Variants in ZNF157 observed in about 807,000 individuals in gnomAD.
ZNF157 encodes zinc finger protein 22.
In ZNF157, 8 loss-of-function variants were observed where a neutral mutation model predicts 9.4. The observed-to-expected ratio is 0.85, with a 90% CI of 0.50 to 1.53. The LOEUF (loss-of-function observed/expected upper bound fraction) is 1.53. Ranked by LOEUF, ZNF157 falls within the 40% of genes most tolerant of loss-of-function variation. ZNF157 has a pLI of 0.00. For missense variants in ZNF157, 316 were observed against 385.2 expected, an observed-to-expected ratio of 0.82 and a Z score of 1.50; for synonymous variants, 120 against 130.8, an observed-to-expected ratio of 0.92 and a Z score of 0.56.
chrX:47,405,847 T>C (rs1370183786), intron 1 of ZNF157, among the ~76,000 whole-genome samples: 1 of 110,830 alleles, frequency 9.0e-6, no homozygotes, highest in East Asian at 2.8e-4. Context: ...TTTTTCATTT[T>C]TATTTTTCAG....
At position 47,413,155 on chromosome X, in the gene ZNF157, A is replaced by G. The variant is rs1462279076; in HGVS notation, c.1082A>G (p.Asn361Ser). ...THTGEKPYQC[N>S]ECGKSFRVHS... Reference sequence around the variant, plus strand: ...ACAGGTGAAAAGCCCTATCAGTGTAATGAATGTGGGAAATCTTTCAGGGTG... The same window carrying G: ...ACAGGTGAAAAGCCCTATCAGTGTAGTGAATGTGGGAAATCTTTCAGGGTG... The change falls in exon 4 of 4, where the codon AAT (asparagine) becomes AGT (serine). Residue 361 changes from asparagine to serine, a missense_variant. Transcript: ENST00000377073. The G allele has an allele frequency of 8.3e-7, 1 of 1,210,118 alleles. No homozygotes were observed. The highest frequency in any genetic ancestry group is 1.7e-5 in the African/African-American group (1 of 57,309).
intron 1 of ZNF157, among the ~76,000 whole-genome samples, chrX:47,384,245 A>C (rs1048892596): frequency 8.9e-6 from 1 of 111,822 alleles, no homozygotes; most frequent in African/African-American, 3.2e-5. Context: ...GTCTCAAATA[A>C]ATAAATAAGT....
intron 1 of ZNF157, among the ~76,000 whole-genome samples, chrX:47,403,706 G>GA (rs934617320): frequency 2.7e-5 from 3 of 111,456 alleles, no homozygotes; most frequent in Admixed American, 9.6e-5. Context: ...ATTTGAATGA[G>GA]AAAAAAATCA....
intron 1 of ZNF157, among the ~76,000 whole-genome samples, chrX:47,382,107 T>C (rs2147402637): frequency 9.2e-6 from 1 of 109,248 alleles, no homozygotes; most frequent in East Asian, 2.9e-4. Context: ...ATAATTTACA[T>C]GTGAGAGGGG....
chrX:47,373,310 G>A (rs2055834217), intron 1 of ZNF157, among the ~76,000 whole-genome samples: 1 of 111,787 alleles, frequency 8.9e-6, no homozygotes, highest in Admixed American at 9.6e-5. Context: ...AATTTACCAC[G>A]ACAGTTGTAG....
At chrX:47,378,786 C>T (rs772394282) in intron 1 of ZNF157, among the ~76,000 whole-genome samples, 1 of 110,964 alleles carries the variant, frequency 9.0e-6, no homozygotes, top group South Asian at 3.8e-4. Context: ...AGCAGTGAGC[C>T]GAGATCGTGC....
intron 1 of ZNF157, among the ~76,000 whole-genome samples, chrX:47,371,774 AT>A (rs2055829566): frequency 9.0e-6 from 1 of 110,837 alleles, no homozygotes; most frequent in African/African-American, 3.3e-5. Context: ...CACCTGGCTA[AT>A]TTTTTGTATC....
At chrX:47,389,495 C>T (rs751825636) in intron 1 of ZNF157, among the ~76,000 whole-genome samples, 3 of 111,475 alleles carry the variant, frequency 2.7e-5, no homozygotes, top group Admixed American at 9.7e-5. Context: ...AGACTACAGG[C>T]GCACGTCGCC....
intron 1 of ZNF157, among the ~76,000 whole-genome samples, chrX:47,377,679 G>T (rs191745987): frequency 9.6e-6 from 1 of 104,617 alleles, no homozygotes; most frequent in South Asian, 4.4e-4. Flanking sequence ...TGATCCTCCC[G>T]CCTCAGCCTC....
intron 1 of ZNF157, among the ~76,000 whole-genome samples, chrX:47,386,385 G>A (rs1165772597): frequency 1.8e-5 from 2 of 110,746 alleles, no homozygotes; most frequent in Non-Finnish European, 3.8e-5. Context: ...TCCTAACCCC[G>A]ACACTAATCT....
At chrX:47,393,996 A>C (rs1345398839) in intron 1 of ZNF157, among the ~76,000 whole-genome samples, 1 of 101,299 alleles carries the variant, frequency 9.9e-6, no homozygotes, top group Non-Finnish European at 2.0e-5. Flanking sequence ...GGGGTCTTGC[A>C]CTGTTGCCCA....
In ZNF157 at chrX:47,412,821, G is replaced by A; in HGVS notation, c.748G>A (p.Glu250Lys). The change falls in exon 4 of 4, where the codon GAA becomes AAA. Residue 250 changes from glutamate (E) to lysine (K), a missense_variant. Glu to Lys is a moderately conservative substitution (Grantham distance 56). Around this residue, in one of 3 missense-constraint regions of ZNF157, gnomAD observed 146 missense variants for 183.8 expected, o/e 0.79. Transcript: ENST00000377073. ...HTGERPYECT[E>K]CGKTFSEKAT... ...TGGAGAGAGACCCTATGAATGTACT[G>A]AATGTGGGAAAACCTTTTCTGAGAA... The A allele has an allele frequency of 1.7e-6, 2 of 1,211,720 alleles. No individual in the cohort carries two copies. Among genetic ancestry groups the A allele is most frequent in the East Asian group, 5.9e-5 (2 of 33,846 alleles).
At position 47,406,444 on chromosome X, in the gene ZNF157, G is replaced by C. The variant is rs113915172; in HGVS notation, c.73-3832G>C. On this transcript the variant is annotated intron_variant, in intron 1 of 3. Coordinates refer to ENST00000377073, the MANE Select transcript of ZNF157 (RefSeq NM_003446.4). Reference sequence around the variant, plus strand: ...ACTGGAGTGCAGTGGCGAGATCTTGGCTCAATGCAACTTTGGCCTCCCCGG... The same window carrying C: ...ACTGGAGTGCAGTGGCGAGATCTTGCCTCAATGCAACTTTGGCCTCCCCGG... Among the ~76,000 whole-genome samples the C allele has an allele frequency of 2.0e-3, 218 of 110,336 alleles. 1 individual carries two copies. The highest frequency in any genetic ancestry group is 7.0e-3 in the African/African-American group (212 of 30,428).
chrX:47,383,103 G>A (rs1044064847), intron 1 of ZNF157, among the ~76,000 whole-genome samples: 1 of 109,569 alleles, frequency 9.1e-6, no homozygotes, highest in Admixed American at 9.9e-5. Context: ...GGGCGCAGTG[G>A]CTTATGCCTG....
chrX:47,374,855 C>T (rs2055839215), intron 1 of ZNF157, among the ~76,000 whole-genome samples: 1 of 99,824 alleles, frequency 1.0e-5, no homozygotes, highest in Non-Finnish European at 2.0e-5. Context: ...ATTACAGGCA[C>T]CCGCCACCAT....
intron 1 of ZNF157, among the ~76,000 whole-genome samples, chrX:47,382,321 G>C (rs1401362599): frequency 4.1e-5 from 3 of 73,296 alleles, no homozygotes; most frequent in African/African-American, 1.7e-4. Context: ...ACGCAGTCTC[G>C]CTCTGTTGCC....
At chrX:47,378,730 C>T (rs2055852434) in intron 1 of ZNF157, among the ~76,000 whole-genome samples, 1 of 110,941 alleles carries the variant, frequency 9.0e-6, no homozygotes, top group Admixed American at 9.7e-5. Context: ...CTCAGCTACT[C>T]GGGAGGCTGA....
At chrX:47,409,667 G>A (rs997236760) in intron 1 of ZNF157, among the ~76,000 whole-genome samples, 2 of 98,920 alleles carry the variant, frequency 2.0e-5, no homozygotes, top group African/African-American at 3.8e-5. Flanking sequence ...TTTTTGAGAC[G>A]GAGTCTTGCT....
At chrX:47,383,371 CA>C (rs35133137) in intron 1 of ZNF157, among the ~76,000 whole-genome samples, 61 of 18,811 alleles carry the variant, frequency 3.2e-3, no homozygotes, top group East Asian at 0.011. Context: ...GACTCAGTCT[CA>C]AAAAAAAAAA....
Sources: allele counts gnomAD v4.1 joint callset (sites outside exome capture counted in the v4.1 genomes callset), GRCh38; gene constraint gnomAD v4.1.1; regional missense constraint gnomAD v4.1.1; transcripts MANE v1.5; gene names NCBI Gene and HGNC (gene_info 2026-07-23, HGNC 2026-07-21).